Variants in SCN9A observed in about 807,000 individuals in gnomAD.
SCN9A encodes sodium channel protein type 9 subunit alpha.
Under a neutral mutation model 187.0 loss-of-function variants are expected in SCN9A, and 131 were observed. The ratio of observed to expected loss-of-function variants is 0.70; its 90% CI spans 0.61 to 0.81. The LOEUF is 0.81. Ranked by LOEUF, SCN9A falls within the 30% of genes least tolerant of loss-of-function variation. SCN9A has a pLI of 0.00. For synonymous variants in SCN9A, 809 were observed against 808.6 expected, an observed-to-expected ratio of 1.00 and a Z score of -0.01; for missense variants, 2,252 against 2,396.6, an observed-to-expected ratio of 0.94 and a Z score of 1.26.
chr2:166,288,197 G>C (rs1217439656), intron 10 of SCN9A, among the ~76,000 whole-genome samples: 7 of 149,888 alleles, frequency 4.7e-5, no homozygotes, highest in Admixed American at 1.3e-4. Flanking sequence ...TAGGTAAAAG[G>C]TTTAAGAGGA....
At chr2:166,356,286 C>T (rs1413186952) in intron 1 of SCN9A, among the ~76,000 whole-genome samples, 1 of 152,064 alleles carries the variant, frequency 6.6e-6, no homozygotes, top group Non-Finnish European at 1.5e-5. Context: ...TCTAAATAAA[C>T]CTTATATTAA....
At chr2:166,256,620 T>A (rs1428686605) in intron 17 of SCN9A, among the ~76,000 whole-genome samples, 1 of 151,452 alleles carries the variant, frequency 6.6e-6, no homozygotes, top group African/African-American at 2.4e-5. Context: ...GCTCTTTTTT[T>A]AAAAAAAGGG....
At chr2:166,280,618 A>T (rs1186004535) in intron 13 of SCN9A, 23 bp from the exon 14 acceptor site, 2 of 1,364,084 alleles carry the variant, frequency 1.5e-6, no homozygotes, top group East Asian at 2.5e-5. Flanking sequence ...AGCAGAGAAC[A>T]TGGAGTCAGC....
intron 1 of SCN9A, among the ~76,000 whole-genome samples, chr2:166,353,498 TTGCAGTCTAC>T (rs1700088255): frequency 6.6e-6 from 1 of 152,192 alleles, no homozygotes; most frequent in Non-Finnish European, 1.5e-5. Flanking sequence ...GTTTCCCTAT[TTGCAGTCTAC>T]ATTCCAGCTA....
chr2:166,290,349 G>C, intron 9 of SCN9A, among the ~76,000 whole-genome samples: 1 of 152,078 alleles, frequency 6.6e-6, no homozygotes, highest in Non-Finnish European at 1.5e-5. Flanking sequence ...CCATCTCTTT[G>C]CTATTGTAAA....
chr2:166,344,241 CATT>C lies in SCN9A; in HGVS notation c.-51+31453_-51+31455del, dbSNP rs1188283432. On this transcript the variant is annotated intron_variant, in intron 1 of 26. Coordinates refer to ENST00000642356, the MANE Select transcript of SCN9A (RefSeq NM_001365536.1). ...AGGTTAAAAGTATATCAAAATATGA[CATT>C]AATAATACTAAAAAGCCTTATAAAG... 3.9e-5 allele frequency among the ~76,000 whole-genome samples: 6 copies of C among 152,086 alleles called. No homozygotes were observed. In the East Asian group the frequency reaches 9.6e-4, roughly 24 times the overall value.
rs1695993416 is a variant in SCN9A, at chr2:166,250,646, A to C, written c.3472+1119T>G. 2.6e-5 allele frequency among the ~76,000 whole-genome samples: 4 copies of C among 152,156 alleles called. No homozygotes were observed. In the South Asian group the frequency reaches 8.3e-4, roughly 31 times the overall value. On this transcript the variant is annotated intron_variant, in intron 18 of 26. Transcript: ENST00000642356. ...ATACTTGTTCAGACAATACTGCATT[A>C]TCCCTGACAAATTCCAGAAGTAGTA...
intron 1 of SCN9A, among the ~76,000 whole-genome samples, chr2:166,335,228 A>C (rs1699598067): frequency 1.3e-5 from 2 of 152,106 alleles, no homozygotes; most frequent in African/African-American, 4.8e-5. Context: ...CAGCTTTGTC[A>C]CTGTCAGTCA....
At position 166,303,231 on chromosome 2, in the gene SCN9A, A is replaced by G. The variant is rs1313500117; in HGVS notation, c.760T>C (p.Phe254Leu). 2 of 1,613,636 alleles carry G rather than the reference A, an allele frequency of 1.2e-6. No individual in the cohort carries two copies. The highest frequency in any genetic ancestry group is 1.3e-5 in the African/African-American group (1 of 74,912). Residue 254 changes from phenylalanine to leucine, a missense_variant, in exon 7 of 27, where the codon TTC becomes CTC. Transcript: ENST00000642356. ...KLSDVMILTV[F>L]CLSVFALIGL... ...ATTAGTGCAAACACACTCAGACAGA[A>G]CACAGTCAGGATCATGACATCAGAA...
In SCN9A at chr2:166,306,531, G is replaced by T. The variant is rs121908921; in HGVS notation, c.446C>A (p.Pro149Gln). ...NCIFMTMNNP[P>Q]DWTKNVEYTF... ...TTACTCGACATTTTTGGTCCAGTCC[G>T]GTGGGTTATTCATGGTCATAAATAT... The change falls in exon 4 of 27, where the codon CCG becomes CAG. Residue 149 changes from proline to glutamine, a missense_variant. Pro to Gln is a moderately conservative substitution (Grantham distance 76). This residue lies in a region of SCN9A where 1,013 missense variants were observed against 997.4 expected (regional missense o/e 1.02). Transcript: ENST00000642356. 1 of 1,571,720 alleles carries T rather than the reference G, an allele frequency of 6.4e-7. No individual in the cohort carries two copies. Among genetic ancestry groups the T allele is most frequent in the Non-Finnish European group, 8.7e-7 (1 of 1,153,380 alleles).
chr2:166,311,482 A>G lies in SCN9A; in HGVS notation c.258+17T>C. 2 of 1,508,052 alleles carry G rather than the reference A, an allele frequency of 1.3e-6. No homozygotes were observed. The highest frequency in any genetic ancestry group is 2.9e-5 in the South Asian group (2 of 69,502). The allele number at this position is 1,508,052 out of a possible 1,614,324, so 93.4% of individuals were successfully genotyped here. ...GAAGCCAACAGAAACTGACCACTGA[A>G]GTCAAAATAAACTCACCTTTTTGTC... On this transcript the variant is annotated intron_variant, in intron 2 of 26. Transcript: ENST00000642356.
At chr2:166,312,617 A>G (rs1481088550) in intron 1 of SCN9A, among the ~76,000 whole-genome samples, 3 of 152,204 alleles carry the variant, frequency 2.0e-5, no homozygotes, top group Non-Finnish European at 4.4e-5. Flanking sequence ...AGGAATCACT[A>G]TCTATGGCAG....
chr2:166,299,790 A>G (rs555906039), intron 7 of SCN9A, among the ~76,000 whole-genome samples: 1 of 150,942 alleles, frequency 6.6e-6, no homozygotes, highest in South Asian at 2.1e-4. Flanking sequence ...TATATTATAT[A>G]TCCACCTGGA....
At chr2:166,359,712 G>T (rs1700232333) in intron 1 of SCN9A, among the ~76,000 whole-genome samples, 1 of 151,736 alleles carries the variant, frequency 6.6e-6, no homozygotes, top group African/African-American at 2.4e-5. Context: ...TTGAACAACT[G>T]GTATGCAAAA....
intron 17 of SCN9A, among the ~76,000 whole-genome samples, chr2:166,261,108 C>G (rs1342169823): frequency 2.0e-5 from 3 of 151,788 alleles, no homozygotes; most frequent in Non-Finnish European, 4.4e-5. Flanking sequence ...GTAACTGCAT[C>G]TCTTAAAATA....
At chr2:166,279,317 ATTTG>A (rs1305364919) in intron 14 of SCN9A, among the ~76,000 whole-genome samples, 3 of 152,184 alleles carry the variant, frequency 2.0e-5, no homozygotes, top group Non-Finnish European at 4.4e-5. Context: ...TCAAATGTCA[ATTTG>A]TTTGGGACCA....
intron 24 of SCN9A, among the ~76,000 whole-genome samples, chr2:166,216,204 TCAA>T (rs1257194524): frequency 6.6e-6 from 1 of 151,834 alleles, no homozygotes; most frequent in African/African-American, 2.4e-5. Context: ...TAATAAAATC[TCAA>T]CAAAGCAGAT....
intron 1 of SCN9A, among the ~76,000 whole-genome samples, chr2:166,347,674 T>A (rs1215484021): frequency 1.3e-5 from 2 of 152,194 alleles, no homozygotes; most frequent in Non-Finnish European, 2.9e-5. Flanking sequence ...TCATTTTTCC[T>A]GAGTAATAAA....
At chr2:166,287,971 G>GTA (rs988107028) in intron 10 of SCN9A, among the ~76,000 whole-genome samples, 11 of 145,254 alleles carry the variant, frequency 7.6e-5, no homozygotes, top group East Asian at 2.0e-4. Context: ...TATATATATT[G>GTA]TATATATATA....
Sources: gnomAD v4.1 joint callset for allele counts (sites outside exome capture counted in the v4.1 genomes callset) on GRCh38, gnomAD v4.1.1 for gene constraint, gnomAD v4.1.1 regional missense constraint, MANE v1.5 for transcripts, NCBI Gene and HGNC (gene_info 2026-07-23, HGNC 2026-07-21) for gene names.